CWH43: variants seen among roughly 807,000 people sequenced by gnomAD.
CWH43 encodes the protein PGAP2-interacting protein.
A neutral mutation model predicts 85.7 loss-of-function variants in CWH43; 91 were observed. The ratio of observed to expected loss-of-function variants is 1.06; its 90% CI spans 0.90 to 1.26. CWH43 has a LOEUF of 1.26. CWH43 is among the 50% of genes most tolerant of loss of function. The probability of loss-of-function intolerance (pLI) is 0.00; values close to 1 mark genes in which losing one functional copy is unlikely to be tolerated. For missense variants in CWH43, 869 were observed against 839.2 expected (o/e 1.04, Z -0.44); for synonymous variants, 323 against 293.6 (o/e 1.10, Z -1.02).
At chr4:49,044,716 A>AT in intron 13 of CWH43, 70 bp from the exon 14 acceptor site, 2 of 1,192,582 alleles carry the variant, frequency 1.7e-6, no homozygotes, top group Admixed American at 1.9e-5. Flanking sequence ...TAGCTCACAC[A>AT]TTTTTTGGCA....
chr4:48,987,227 A>AT (rs1183235857), intron 1 of CWH43, among the ~76,000 whole-genome samples: 4 of 151,738 alleles, frequency 2.6e-5, no homozygotes, highest in Non-Finnish European at 4.4e-5. Context: ...GCTTCAGACT[A>AT]TTTTTTTCTG....
chr4:49,061,787 T>G, intron 15 of CWH43, 25 bp from the exon 16 acceptor site: 1 of 1,331,242 alleles, frequency 7.5e-7, no homozygotes, highest in East Asian at 3.0e-5. Context: ...GCCAATAACT[T>G]TTTATTTATT....
intron 9 of CWH43, among the ~76,000 whole-genome samples, chr4:49,026,528 T>C (rs1783921641): frequency 6.6e-6 from 1 of 152,146 alleles, no homozygotes; most frequent in Non-Finnish European, 1.5e-5. Context: ...TAGTCTTTTA[T>C]CCTTTACCCC....
chr4:49,061,955 A>T lies in CWH43; in HGVS notation c.*65A>T. On this transcript the variant is annotated 3_prime_UTR_variant, in exon 16 of 16. Transcript: ENST00000226432. The stretch of plus-strand genomic sequence containing the variant: ...GAAAAAAAGTATGTAAGATAAAAAG[A>T]AGAGATTAATGAAAGTGGGAAAATA... 1 of 1,185,076 alleles carries T rather than the reference A, an allele frequency of 8.4e-7. No individual in the cohort carries two copies. The highest frequency in any genetic ancestry group is 2.0e-5 in the South Asian group (1 of 49,852). 73.4% of individuals were successfully genotyped at this position (1,185,076 alleles called of 1,614,324 possible). A position where few individuals can be genotyped will look rare whatever the true frequency, so the allele number is the denominator to read the frequency against.
At chr4:48,996,326 CACACAT>C (rs927954299) in intron 5 of CWH43, among the ~76,000 whole-genome samples, 9 of 116,746 alleles carry the variant, frequency 7.7e-5, no homozygotes, top group Admixed American at 1.9e-4. Context: ...CACACACACA[CACACAT>C]ATATATATGT....
In CWH43 at chr4:49,007,692, T is replaced by C. The variant is rs573606932; in HGVS notation, c.1186+366T>C. 1.3e-4 allele frequency among the ~76,000 whole-genome samples: 20 copies of C among 152,078 alleles called. 1 individual carries two copies. The South Asian group carries it at 4.2e-3, about 32-fold the overall frequency. On this transcript the variant is annotated intron_variant, in intron 8 of 15. Transcript: ENST00000226432. ...GCCCTGTGTCCGTGTGTTCTCATTG[T>C]TTAATTCCCACCTATGAGTGAGAAC...
chr4:49,056,921 G>A (rs769269686), intron 15 of CWH43, among the ~76,000 whole-genome samples: 3 of 151,970 alleles, frequency 2.0e-5, no homozygotes, highest in Non-Finnish European at 4.4e-5. Flanking sequence ...GTCTGTTTAG[G>A]AAAGTTTTGT....
chr4:48,989,702 G>A (rs1307311864), intron 2 of CWH43, among the ~76,000 whole-genome samples: 1 of 152,148 alleles, frequency 6.6e-6, no homozygotes, highest in African/African-American at 2.4e-5. Flanking sequence ...GAGATTATAG[G>A]TGTGAGCCAC....
intron 15 of CWH43, among the ~76,000 whole-genome samples, chr4:49,058,233 T>C (rs1411496400): frequency 3.9e-5 from 6 of 152,172 alleles, no homozygotes; most frequent in Non-Finnish European, 8.8e-5. Flanking sequence ...TTTGATTGCT[T>C]TCTCTTTATC....
At chr4:48,994,973 G>T in intron 5 of CWH43, 153 bp downstream of exon 5, 1 of 741,950 alleles carries the variant, frequency 1.3e-6, no homozygotes, top group Non-Finnish European at 2.4e-6. Context: ...TGTGTGCTCT[G>T]GAGAGAAGGG....
At chr4:49,043,207 C>T (rs1339061871) in intron 13 of CWH43, among the ~76,000 whole-genome samples, 1 of 152,166 alleles carries the variant, frequency 6.6e-6, no homozygotes, top group Non-Finnish European at 1.5e-5. Flanking sequence ...TAGAAGATAA[C>T]ATCTGCAAAG....
intron 15 of CWH43, among the ~76,000 whole-genome samples, chr4:49,060,995 C>A (rs548542659): frequency 6.6e-6 from 1 of 152,228 alleles, no homozygotes; most frequent in African/African-American, 2.4e-5. Flanking sequence ...ATAAAGTATT[C>A]TTCTTAAAAT....
At chr4:49,054,293 C>T (rs1038421583) in intron 15 of CWH43, among the ~76,000 whole-genome samples, 8 of 152,038 alleles carry the variant, frequency 5.3e-5, no homozygotes, top group African/African-American at 1.9e-4. Context: ...TTTGGGGTAC[C>T]TTTGTCAAAG....
intron 8 of CWH43, among the ~76,000 whole-genome samples, chr4:49,013,283 A>T (rs139630176): frequency 3.7e-4 from 56 of 152,362 alleles, no homozygotes; most frequent in African/African-American, 1.3e-3. Context: ...TCCCTGTGTG[A>T]GGTACCCACC....
chr4:49,016,890 G>T, intron 8 of CWH43: 1 of 785,132 alleles, frequency 1.3e-6, no homozygotes. Flanking sequence ...GACTACCCAC[G>T]TAGCTCTGCA....
chr4:49,011,591 G>A (rs1161700121), intron 8 of CWH43, among the ~76,000 whole-genome samples: 2 of 151,910 alleles, frequency 1.3e-5, no homozygotes, highest in Non-Finnish European at 2.9e-5. Context: ...GTTTTTGCAT[G>A]GTACTGGTTG....
intron 15 of CWH43, among the ~76,000 whole-genome samples, chr4:49,059,533 C>G (rs185596004): frequency 1.3e-5 from 2 of 152,060 alleles, no homozygotes; most frequent in African/African-American, 2.4e-5. Flanking sequence ...ATGGACATGC[C>G]CTGGTATCTG....
intron 4 of CWH43, among the ~76,000 whole-genome samples, chr4:48,994,223 G>T (rs957300688): frequency 2.0e-5 from 3 of 152,214 alleles, no homozygotes; most frequent in Non-Finnish European, 4.4e-5. Context: ...ACCCACAGAG[G>T]GTTAGATGAG....
chr4:49,056,911 G>T (rs1214758553), intron 15 of CWH43, among the ~76,000 whole-genome samples: 1 of 151,992 alleles, frequency 6.6e-6, no homozygotes, highest in Non-Finnish European at 1.5e-5. Context: ...TTGATCCATT[G>T]TCTGTTTAGG....
Sources: allele counts gnomAD v4.1 joint callset (sites outside exome capture counted in the v4.1 genomes callset), GRCh38; gene constraint gnomAD v4.1.1; transcripts MANE v1.5; gene names NCBI Gene and HGNC (gene_info 2026-07-23, HGNC 2026-07-21).